The following ESYT2 variants were observed in gnomAD, a reference collection of about 807,000 sequenced individuals.
ESYT2 encodes the protein extended synaptotagmin 2.
Under a neutral mutation model 107.2 loss-of-function variants are expected in ESYT2, and 54 were observed. The observed-to-expected ratio is 0.50, with a 90% CI of 0.40 to 0.63. The LOEUF is 0.63. ESYT2 is among the 30% of genes least tolerant of loss of function. ESYT2 has a pLI of 0.00. For missense variants in ESYT2, 1,020 were observed against 1,094.5 expected (o/e 0.93, Z 0.96); for synonymous variants, 491 against 434.1 (o/e 1.13, Z -1.63).
At chr7:158,759,342 T>C in intron 13 of ESYT2, 144 bp downstream of exon 13, 1 of 581,396 alleles carries the variant, frequency 1.7e-6, no homozygotes, top group Non-Finnish European at 3.0e-6. Flanking sequence ...CCCTCTCCAC[T>C]GCCACTCTCC....
At chr7:158,776,584 AAGAT>A (rs1838572685) in intron 6 of ESYT2, among the ~76,000 whole-genome samples, 1 of 152,210 alleles carries the variant, frequency 6.6e-6, no homozygotes, top group African/African-American at 2.4e-5. Flanking sequence ...CATAGAAGTG[AAGAT>A]AGTTAGGACT....
At chr7:158,772,894 T>TAAAAAAAAAAAAAAAA (rs3033501) in intron 7 of ESYT2, among the ~76,000 whole-genome samples, 1 of 142,018 alleles carries the variant, frequency 7.0e-6, no homozygotes. Context: ...GAATAAAAGT[T>TAAAAAAAAAAAAAAAA]AAAAAAAAAA....
chr7:158,759,483 T>C lies in ESYT2; in HGVS notation c.1419+3A>G. On this transcript the variant is annotated splice_donor_region_variant and intron_variant, in intron 13 of 22. Coordinates refer to ENST00000275418, the MANE Select transcript of ESYT2 (RefSeq NM_001367773.1). Reference sequence around the variant, plus strand: ...CCACAGGTGTTACCACTGTGTTACCTACCGGAAGGTTCCTTGCTGAATCCA... The same window carrying C: ...CCACAGGTGTTACCACTGTGTTACCCACCGGAAGGTTCCTTGCTGAATCCA... 4 of 1,608,168 alleles carry C rather than the reference T, an allele frequency of 2.5e-6. No individual in the cohort carries two copies. The Admixed American group carries it at 5.0e-5, about 20-fold the overall frequency.
chr7:158,792,943 T>C (rs1035956986), intron 4 of ESYT2, among the ~76,000 whole-genome samples: 2 of 151,826 alleles, frequency 1.3e-5, no homozygotes, highest in African/African-American at 4.8e-5. Flanking sequence ...TAATTTTTTG[T>C]ATTTTTAGTA....
rs1293845779 is a variant in ESYT2, at chr7:158,797,929, A to T, written c.507+13T>A. On this transcript the variant is annotated intron_variant, in intron 3 of 22. Transcript: ENST00000275418. ...GACTGTGTGCACGTGAGGATACTTA[A>T]GAGAACACTGACCTGCTGGCCCACG... 23 of 1,613,212 alleles carry T rather than the reference A, an allele frequency of 1.4e-5. No individual in the cohort carries two copies. The highest frequency in any genetic ancestry group is 1.9e-5 in the Non-Finnish European group (23 of 1,179,712).
In ESYT2 at chr7:158,825,927, G is replaced by A. The variant is rs112069138; in HGVS notation, c.330+3162C>T. 4.7e-3 allele frequency among the ~76,000 whole-genome samples: 713 copies of A among 151,372 alleles called. 3 individuals carry two copies. The highest frequency in any genetic ancestry group is 0.017 in the African/African-American group (690 of 41,214). On this transcript the variant is annotated intron_variant, in intron 1 of 22. Transcript: ENST00000275418. ...TGGCCAGGCATGGTGGCTCACACCT[G>A]TAATCCCCACACTTTAGGAAGTCTA...
chr7:158,816,277 G>A (rs952215695), intron 1 of ESYT2, among the ~76,000 whole-genome samples: 1 of 152,190 alleles, frequency 6.6e-6, no homozygotes, highest in Non-Finnish European at 1.5e-5. Flanking sequence ...TTGAGTCCAG[G>A]AGGTCGAGAC....
At position 158,773,309 on chromosome 7, in the gene ESYT2, G is replaced by A. The variant is rs746908749; in HGVS notation, c.803+32C>T. 11 of 1,612,840 alleles carry A rather than the reference G, an allele frequency of 6.8e-6. No homozygotes were observed. In the South Asian group the frequency reaches 8.8e-5, roughly 13 times the overall value. ...CAAAATGCACAACACGCCCTCGAAC[G>A]CTAAGCCTCCGGGACCAGACACGAG... On this transcript the variant is annotated intron_variant, in intron 7 of 22. Coordinates refer to ENST00000275418, the MANE Select transcript of ESYT2 (RefSeq NM_001367773.1).
At chr7:158,813,203 A>T (rs1392137902) in intron 1 of ESYT2, among the ~76,000 whole-genome samples, 1 of 152,270 alleles carries the variant, frequency 6.6e-6, no homozygotes, top group African/African-American at 2.4e-5. Context: ...TAATTCCAAT[A>T]TATGACATTC....
intron 1 of ESYT2, among the ~76,000 whole-genome samples, chr7:158,828,715 G>A (rs909399414): frequency 1.3e-5 from 2 of 152,148 alleles, no homozygotes; most frequent in Non-Finnish European, 1.5e-5. Context: ...AGCGGGCGGC[G>A]GCCCCAGGCG....
intron 13 of ESYT2, among the ~76,000 whole-genome samples, chr7:158,754,251 G>A (rs1443675608): frequency 6.6e-6 from 1 of 152,096 alleles, no homozygotes; most frequent in Non-Finnish European, 1.5e-5. Flanking sequence ...TCTGTCACCA[G>A]GCTGCAGTGC....
intron 7 of ESYT2, among the ~76,000 whole-genome samples, chr7:158,768,977 T>C (rs1298360467): frequency 3.3e-5 from 5 of 152,366 alleles, no homozygotes; most frequent in Non-Finnish European, 7.3e-5. Flanking sequence ...CTAAGTTTCG[T>C]TGCTGTATAA....
intron 1 of ESYT2, among the ~76,000 whole-genome samples, chr7:158,819,462 A>G (rs1840233087): frequency 6.6e-6 from 1 of 152,244 alleles, no homozygotes; most frequent in Admixed American, 6.5e-5. Flanking sequence ...AAAGTCTGGT[A>G]GCTTCATAAG....
At chr7:158,820,051 T>C (rs1436963294) in intron 1 of ESYT2, among the ~76,000 whole-genome samples, 1 of 152,262 alleles carries the variant, frequency 6.6e-6, no homozygotes, top group Non-Finnish European at 1.5e-5. Context: ...TACTTTGTAC[T>C]GATACTTTCA....
At chr7:158,786,948 C>A (rs898845371) in intron 6 of ESYT2, among the ~76,000 whole-genome samples, 1 of 151,974 alleles carries the variant, frequency 6.6e-6, no homozygotes, top group Non-Finnish European at 1.5e-5. Context: ...GAAAGTTTCA[C>A]AAAAGTGAAA....
chr7:158,793,020 G>A (rs1437075591), intron 4 of ESYT2, among the ~76,000 whole-genome samples: 3 of 151,858 alleles, frequency 2.0e-5, no homozygotes, highest in Non-Finnish European at 4.4e-5. Context: ...CGCCCGCCTC[G>A]GCCTTCCAAA....
chr7:158,734,505 T>C (rs771737386), intron 21 of ESYT2, 34 bp from the exon 22 acceptor site: 1 of 1,597,654 alleles, frequency 6.3e-7, no homozygotes, highest in Middle Eastern at 1.7e-4. Context: ...TAAAGTAGGC[T>C]GGGCTGGGGG....
chr7:158,775,106 C>T (rs1025971833), intron 6 of ESYT2, among the ~76,000 whole-genome samples: 10 of 152,212 alleles, frequency 6.6e-5, no homozygotes, highest in Admixed American at 1.3e-4. Flanking sequence ...GAGTCACACA[C>T]ATTTTTTGGT....
chr7:158,793,227 T>C (rs2129473407), intron 4 of ESYT2, among the ~76,000 whole-genome samples: 1 of 152,330 alleles, frequency 6.6e-6, no homozygotes, highest in Non-Finnish European at 1.5e-5. Context: ...ATTTGGTTTT[T>C]TCCTTCCTTT....
Sources: gnomAD v4.1 joint callset for allele counts (sites outside exome capture counted in the v4.1 genomes callset) on GRCh38, gnomAD v4.1.1 for gene constraint, MANE v1.5 for transcripts, NCBI Gene and HGNC (gene_info 2026-07-23, HGNC 2026-07-21) for gene names.